The following SPATA17 variants were observed in gnomAD, a reference collection of about 807,000 sequenced individuals.
SPATA17 encodes spermatogenesis associated 17.
A neutral mutation model predicts 62.2 loss-of-function variants in SPATA17; 53 were observed. The ratio of observed to expected loss-of-function variants is 0.85; its 90% CI spans 0.68 to 1.07. The LOEUF (loss-of-function observed/expected upper bound fraction) is 1.07. Ranked by LOEUF, SPATA17 falls within the 50% of genes least tolerant of loss-of-function variation. The pLI is 0.00. For missense variants in SPATA17, 466 were observed against 425.5 expected (o/e 1.10, Z -0.84); for synonymous variants, 146 against 146.8 (o/e 0.99, Z 0.04).
At chr1:217,687,918 C>T (rs1671254642) in intron 5 of SPATA17, among the ~76,000 whole-genome samples, 1 of 152,168 alleles carries the variant, frequency 6.6e-6, no homozygotes, top group South Asian at 2.1e-4. Flanking sequence ...TAACTTCTCT[C>T]ATCTTGCTTT....
chr1:217,719,886 G>A (rs1324224830), intron 5 of SPATA17, among the ~76,000 whole-genome samples: 7 of 152,248 alleles, frequency 4.6e-5, no homozygotes, highest in African/African-American at 1.4e-4. Context: ...CGTCATGGGC[G>A]AGAGCTGTTC....
chr1:217,776,390 T>A (rs1397601167), intron 7 of SPATA17, among the ~76,000 whole-genome samples: 1 of 152,196 alleles, frequency 6.6e-6, no homozygotes, highest in Non-Finnish European at 1.5e-5. Context: ...AGGCGTGCCC[T>A]TGTGTATCTA....
intron 6 of SPATA17, among the ~76,000 whole-genome samples, chr1:217,771,893 C>T (rs568557030): frequency 1.7e-4 from 26 of 152,048 alleles, no homozygotes; most frequent in Non-Finnish European, 2.9e-4. Context: ...TAGCTGGTAG[C>T]GGTTATTCAG....
intron 5 of SPATA17, among the ~76,000 whole-genome samples, chr1:217,706,165 T>G (rs1671728712): frequency 6.6e-6 from 1 of 152,228 alleles, no homozygotes; most frequent in Non-Finnish European, 1.5e-5. Flanking sequence ...TTTGTTCTTT[T>G]TATTTAGAAT....
intron 9 of SPATA17, among the ~76,000 whole-genome samples, chr1:217,825,222 A>G (rs944856358): frequency 6.6e-6 from 1 of 151,836 alleles, no homozygotes; most frequent in African/African-American, 2.4e-5. Flanking sequence ...AATTAAGAAC[A>G]GAAAAGGTGG....
intron 5 of SPATA17, among the ~76,000 whole-genome samples, chr1:217,737,222 A>G (rs1672530367): frequency 6.6e-6 from 1 of 152,166 alleles, no homozygotes; most frequent in African/African-American, 2.4e-5. Context: ...AACTGAGTGT[A>G]ATAATATCTG....
At chr1:217,749,975 CTCTCTCTCTCTATATATA>C (rs1672862061) in intron 6 of SPATA17, among the ~76,000 whole-genome samples, 2 of 39,418 alleles carry the variant, frequency 5.1e-5, no homozygotes. Flanking sequence ...CTCTCTCTCT[CTCTCTCTCTCTATATATA>C]TATATATATA....
intron 5 of SPATA17, among the ~76,000 whole-genome samples, chr1:217,698,614 C>T (rs934319980): frequency 6.6e-6 from 1 of 150,978 alleles, no homozygotes; most frequent in Non-Finnish European, 1.5e-5. Flanking sequence ...TCTATGTTAA[C>T]TCAATACCAA....
intron 4 of SPATA17, among the ~76,000 whole-genome samples, chr1:217,671,235 T>C (rs935751080): frequency 1.1e-4 from 17 of 152,098 alleles, no homozygotes; most frequent in African/African-American, 4.1e-4. Flanking sequence ...TTAACTTCTC[T>C]CCCTCCTCTA....
intron 5 of SPATA17, among the ~76,000 whole-genome samples, chr1:217,730,552 C>CA (rs761923104): frequency 6.6e-5 from 10 of 151,704 alleles, no homozygotes; most frequent in Non-Finnish European, 1.5e-4. Flanking sequence ...TTTTCAAATA[C>CA]AAAAAAGCAG....
chr1:217,782,204 G>A lies in SPATA17; in HGVS notation c.754G>A (p.Glu252Lys), dbSNP rs371144507. Residue 252 changes from glutamate to lysine, a missense_variant, in exon 8 of 11, where the codon GAA (glutamate) becomes AAA (lysine). Physicochemically the swap from Glu to Lys is moderately conservative, Grantham distance 56. Coordinates refer to ENST00000366933, the MANE Select transcript of SPATA17 (RefSeq NM_138796.4). ...GPFRDITEVLEQRYRPLEPTL... is the reference protein window; with the variant it reads ...GPFRDITEVLKQRYRPLEPTL... ...CTTCCGAGATATCACCGAAGTATTAGAACAACGCTACAGGCCTTTGGAGCC... is the reference window on the plus strand; with the variant it reads ...CTTCCGAGATATCACCGAAGTATTAAAACAACGCTACAGGCCTTTGGAGCC... 2.2e-5 allele frequency: 35 copies of A among 1,608,532 alleles called. No individual in the cohort carries two copies. Among genetic ancestry groups the A allele is most frequent in the Non-Finnish European group, 2.7e-5 (32 of 1,177,740 alleles).
intron 8 of SPATA17, among the ~76,000 whole-genome samples, chr1:217,799,408 G>A (rs753928633): frequency 3.9e-5 from 6 of 152,002 alleles, no homozygotes; most frequent in Non-Finnish European, 8.8e-5. Flanking sequence ...CAGCCGGCTC[G>A]CAGCACCTCC....
intron 6 of SPATA17, among the ~76,000 whole-genome samples, chr1:217,749,633 AC>A (rs1225743284): frequency 6.6e-6 from 1 of 151,528 alleles, no homozygotes; most frequent in Non-Finnish European, 1.5e-5. Context: ...TATTTCCTGA[AC>A]CCTGAGAAAT....
chr1:217,631,495 C>T, intron 1 of SPATA17, 49 bp downstream of exon 1: 1 of 1,583,142 alleles, frequency 6.3e-7, no homozygotes, highest in Non-Finnish European at 8.7e-7. Context: ...TGACTTTATA[C>T]CAGTTGTTCC....
intron 5 of SPATA17, among the ~76,000 whole-genome samples, chr1:217,710,607 T>A (rs2102926173): frequency 6.6e-6 from 1 of 152,318 alleles, no homozygotes. Flanking sequence ...TATTATTTTC[T>A]ACCTTTTATG....
At chr1:217,645,095 T>C (rs889038329) in intron 1 of SPATA17, among the ~76,000 whole-genome samples, 1 of 152,110 alleles carries the variant, frequency 6.6e-6, no homozygotes, top group African/African-American at 2.4e-5. Context: ...GAAACATGTA[T>C]AGAAGTCAAA....
chr1:217,638,532 A>G (rs1669988485), intron 1 of SPATA17, among the ~76,000 whole-genome samples: 1 of 152,176 alleles, frequency 6.6e-6, no homozygotes, highest in Non-Finnish European at 1.5e-5. Flanking sequence ...AGTACCTTTT[A>G]CTGTCTTATC....
intron 9 of SPATA17, among the ~76,000 whole-genome samples, chr1:217,814,848 T>C (rs1240890259): frequency 6.6e-6 from 1 of 152,018 alleles, no homozygotes; most frequent in Non-Finnish European, 1.5e-5. Flanking sequence ...ACCTCATCTC[T>C]TAAAAAAATA....
chr1:217,721,916 A>G (rs1305904669), intron 5 of SPATA17, among the ~76,000 whole-genome samples: 1 of 152,150 alleles, frequency 6.6e-6, no homozygotes, highest in Non-Finnish European at 1.5e-5. Flanking sequence ...CTCTGCTTCT[A>G]AGACGTGGCC....
Sources: gnomAD v4.1 joint callset for allele counts (sites outside exome capture counted in the v4.1 genomes callset) on GRCh38, gnomAD v4.1.1 for gene constraint, MANE v1.5 for transcripts, NCBI Gene and HGNC (gene_info 2026-07-23, HGNC 2026-07-21) for gene names.